BMPR1B: variants seen among roughly 807,000 people sequenced by gnomAD.
BMPR1B encodes bone morphogenetic protein receptor type-1B.
A neutral mutation model predicts 59.1 loss-of-function variants in BMPR1B; 12 were observed. That is an observed-to-expected ratio of 0.20 (90% CI 0.13 to 0.33). The LOEUF (loss-of-function observed/expected upper bound fraction) is 0.33, where lower values mean the gene tolerates loss of function less well. Among genes scored for constraint, BMPR1B ranks in the 10% least tolerant of loss-of-function variants. BMPR1B has a pLI of 1.00. For synonymous variants in BMPR1B, 237 were observed against 207.3 expected (o/e 1.14, Z -1.23); for missense variants, 550 against 610.9 (o/e 0.90, Z 1.05).
intron 1 of BMPR1B, among the ~76,000 whole-genome samples, chr4:94,796,601 T>C (rs1181186625): frequency 2.6e-5 from 4 of 152,140 alleles, no homozygotes; most frequent in African/African-American, 9.7e-5. Context: ...TAAGAGAAAT[T>C]ATTTAAGTAT....
chr4:94,848,584 A>G (rs1725435866), intron 1 of BMPR1B, among the ~76,000 whole-genome samples: 1 of 151,560 alleles, frequency 6.6e-6, no homozygotes, highest in Non-Finnish European at 1.5e-5. Flanking sequence ...GATTGGTCTC[A>G]TAGACAGTCT....
At chr4:94,829,298 G>A (rs1724489080) in intron 1 of BMPR1B, among the ~76,000 whole-genome samples, 1 of 149,166 alleles carries the variant, frequency 6.7e-6, no homozygotes, top group Admixed American at 6.7e-5. Flanking sequence ...TTGCTCTTAG[G>A]AAATTCTTTC....
intron 2 of BMPR1B, among the ~76,000 whole-genome samples, chr4:94,886,607 C>T (rs1727179133): frequency 6.6e-6 from 1 of 152,192 alleles, no homozygotes; most frequent in South Asian, 2.1e-4. Context: ...GTTGGTAGTA[C>T]AGTAACCTCT....
Position 94,774,356 on chromosome 4 carries a change from A to G in BMPR1B, c.-183+16288A>G, listed in dbSNP as rs1289910683. Among the ~76,000 whole-genome samples, 9 of 152,030 alleles carry G rather than the reference A, an allele frequency of 5.9e-5. 1 individual carries two copies. The highest frequency in any genetic ancestry group is 1.3e-4 in the Admixed American group (2 of 15,270). On this transcript the variant is annotated intron_variant, in intron 1 of 12. Transcript: ENST00000515059. The stretch of plus-strand genomic sequence containing the variant: ...TGAATTGTTTGCTCTTAAGGAAAAA[A>G]TTTGAGGTTCTTAAGAAATAGAAAA...
chr4:94,947,255 C>T lies in BMPR1B; in HGVS notation c.-112-48785C>T, dbSNP rs557499816. On this transcript the variant is annotated intron_variant, in intron 2 of 12. Transcript: ENST00000515059. ...GAAGGAAATTCCAAGGACAACCATC[C>T]GTGAACTCTTTTAACAAGTGAAATT... Among the ~76,000 whole-genome samples the T allele has an allele frequency of 3.9e-5, 6 of 152,236 alleles. No homozygotes were observed. In the South Asian group the frequency reaches 1.0e-3, roughly 26 times the overall value.
rs115154055 is a variant in BMPR1B, at chr4:94,792,632, G to A, written c.-183+34564G>A. ...ATATCTAAAACTAATTGTATTTATT[G>A]TCTGGTATCCTTGTTACTGGTCTGT... On this transcript the variant is annotated intron_variant, in intron 1 of 12. Transcript: ENST00000515059. Among the ~76,000 whole-genome samples, 767 of 152,202 alleles carry A rather than the reference G, an allele frequency of 5.0e-3. 1 individual carries two copies. Among genetic ancestry groups the A allele is most frequent in the Non-Finnish European group, 7.4e-3 (506 of 68,014 alleles).
At chr4:94,939,061 A>G (rs1185595793) in intron 2 of BMPR1B, among the ~76,000 whole-genome samples, 4 of 152,164 alleles carry the variant, frequency 2.6e-5, no homozygotes, top group Non-Finnish European at 5.9e-5. Flanking sequence ...CTCTGATTCC[A>G]TGATCTGAAC....
At chr4:94,803,082 G>A (rs1405565964) in intron 1 of BMPR1B, among the ~76,000 whole-genome samples, 3 of 152,106 alleles carry the variant, frequency 2.0e-5, no homozygotes, top group African/African-American at 2.4e-5. Flanking sequence ...CTCATGGTCA[G>A]TTCTTCTTCA....
At chr4:94,975,400 G>A (rs567331356) in intron 2 of BMPR1B, among the ~76,000 whole-genome samples, 71 of 115,328 alleles carry the variant, frequency 6.2e-4, no homozygotes, top group African/African-American at 1.8e-3. Context: ...GTCTCATCCC[G>A]TCACCCAGGC....
chr4:94,903,937 A>G (rs1036498142), intron 2 of BMPR1B, among the ~76,000 whole-genome samples: 4 of 151,996 alleles, frequency 2.6e-5, no homozygotes, highest in Admixed American at 1.3e-4. Context: ...AAGCCATCCA[A>G]TGTGTGGTAT....
intron 3 of BMPR1B, among the ~76,000 whole-genome samples, chr4:95,089,216 C>T (rs185928338): frequency 6.6e-6 from 1 of 152,174 alleles, no homozygotes; most frequent in African/African-American, 2.4e-5. Flanking sequence ...AATACATCTA[C>T]CTTATGTTGG....
chr4:95,115,256 T>C (rs1167967917), intron 5 of BMPR1B, among the ~76,000 whole-genome samples: 1 of 152,214 alleles, frequency 6.6e-6, no homozygotes, highest in Non-Finnish European at 1.5e-5. Flanking sequence ...ATCCCTGTCT[T>C]TAAGTGACAC....
chr4:94,954,073 T>C (rs998216922), intron 2 of BMPR1B, among the ~76,000 whole-genome samples: 1 of 152,194 alleles, frequency 6.6e-6, no homozygotes, highest in Non-Finnish European at 1.5e-5. Flanking sequence ...TACTTGTGTA[T>C]GCTTCACAAA....
chr4:95,117,334 T>G (rs1456759089), intron 6 of BMPR1B, among the ~76,000 whole-genome samples: 1 of 152,090 alleles, frequency 6.6e-6, no homozygotes, highest in African/African-American at 2.4e-5. Context: ...CACCGGAAAG[T>G]TTATTAACTT....
At chr4:95,088,226 A>G (rs560719863) in intron 3 of BMPR1B, among the ~76,000 whole-genome samples, 64 of 152,268 alleles carry the variant, frequency 4.2e-4, no homozygotes, top group African/African-American at 1.5e-3. Context: ...TTATAGTATA[A>G]TAGCTCCTGA....
intron 1 of BMPR1B, among the ~76,000 whole-genome samples, chr4:94,779,057 G>A (rs528432990): frequency 5.3e-4 from 81 of 151,822 alleles, no homozygotes; most frequent in African/African-American, 1.7e-3. Context: ...TTTAATTTAC[G>A]GTTTATAATT....
intron 1 of BMPR1B, among the ~76,000 whole-genome samples, chr4:94,765,278 G>A (rs1016423324): frequency 6.6e-6 from 1 of 152,034 alleles, no homozygotes; most frequent in African/African-American, 2.4e-5. Flanking sequence ...GCATTACTAT[G>A]TATTTTTAAA....
At chr4:94,845,564 G>A (rs1052841383) in intron 1 of BMPR1B, among the ~76,000 whole-genome samples, 1 of 152,042 alleles carries the variant, frequency 6.6e-6, no homozygotes, top group African/African-American at 2.4e-5. Context: ...GGATGGTCTC[G>A]ATCTCCTGAC....
chr4:94,766,979 G>C (rs1387178172), intron 1 of BMPR1B, among the ~76,000 whole-genome samples: 27 of 152,026 alleles, frequency 1.8e-4, no homozygotes, highest in Admixed American at 1.8e-3. Context: ...CTCGGAAATT[G>C]GAACCACCTG....
Sources: allele counts gnomAD v4.1 joint callset (sites outside exome capture counted in the v4.1 genomes callset), GRCh38; gene constraint gnomAD v4.1.1; transcripts MANE v1.5; gene names NCBI Gene and HGNC (gene_info 2026-07-23, HGNC 2026-07-21).